GALNT13: variants seen among roughly 807,000 people sequenced by gnomAD.
The protein encoded by GALNT13 is polypeptide N-acetylgalactosaminyltransferase 13.
GALNT13 carries 28 observed loss-of-function variants against 64.2 expected under a neutral mutation model. The observed-to-expected ratio is 0.44, with a 90% CI of 0.32 to 0.60. The LOEUF is 0.60. Among genes scored for constraint, GALNT13 ranks in the 20% least tolerant of loss-of-function variants. The pLI is 0.05. For missense variants in GALNT13, 577 were observed against 669.8 expected (o/e 0.86, Z 1.53); for synonymous variants, 214 against 224.6 (o/e 0.95, Z 0.42).
intron 4 of GALNT13, among the ~76,000 whole-genome samples, chr2:154,234,015 A>G (rs1287251310): frequency 6.6e-6 from 1 of 152,184 alleles, no homozygotes; most frequent in Non-Finnish European, 1.5e-5. Context: ...ATGATTTAAA[A>G]GAGCTGAAAG....
At chr2:153,879,033 C>G (rs1686588464) in intron 1 of GALNT13, among the ~76,000 whole-genome samples, 2 of 152,132 alleles carry the variant, frequency 1.3e-5, no homozygotes, top group Non-Finnish European at 2.9e-5. Flanking sequence ...TGGGATGGAT[C>G]CACAGAATCT....
intron 9 of GALNT13, among the ~76,000 whole-genome samples, chr2:154,372,208 C>T (rs1697734017): frequency 6.6e-6 from 1 of 152,056 alleles, no homozygotes; most frequent in African/African-American, 2.4e-5. Flanking sequence ...AATTCAACCT[C>T]CAGAATCCAC....
chr2:153,909,491 AG>A (rs1450587193), intron 2 of GALNT13, among the ~76,000 whole-genome samples: 3 of 151,938 alleles, frequency 2.0e-5, no homozygotes, highest in Non-Finnish European at 4.4e-5. Flanking sequence ...GAGTGGTGAG[AG>A]GGGGCATCCT....
At chr2:153,973,108 G>A (rs923482544) in intron 3 of GALNT13, among the ~76,000 whole-genome samples, 1 of 151,872 alleles carries the variant, frequency 6.6e-6, no homozygotes, top group African/African-American at 2.4e-5. Context: ...GTCGTTCATA[G>A]CCCCTTTTTT....
chr2:153,267,865 T>G, the GALNT13 span, among the ~76,000 whole-genome samples: 4 of 152,190 alleles, frequency 2.6e-5, no homozygotes, highest in African/African-American at 9.7e-5. Context: ...TGCCTCTTTT[T>G]AAAACAAGAG....
chr2:153,311,038 G>C, the GALNT13 span, among the ~76,000 whole-genome samples: 2 of 151,990 alleles, frequency 1.3e-5, no homozygotes, highest in African/African-American at 4.8e-5. Context: ...AAATTCATCC[G>C]TACACCATTG....
chr2:153,398,248 A>G, the GALNT13 span, among the ~76,000 whole-genome samples: 3 of 152,134 alleles, frequency 2.0e-5, no homozygotes, highest in African/African-American at 7.2e-5. Flanking sequence ...CAAAGGACAT[A>G]AACTCATCAT....
At chr2:153,503,294 A>G in the GALNT13 span, among the ~76,000 whole-genome samples, 1,995 of 152,264 alleles carry the variant, frequency 0.013, 43 homozygotes, top group African/African-American at 0.045. Context: ...ATTCTCCTGC[A>G]GTGGATTGCC....
chr2:153,557,184 G>A, the GALNT13 span, among the ~76,000 whole-genome samples: 1 of 152,102 alleles, frequency 6.6e-6, no homozygotes, highest in Non-Finnish European at 1.5e-5. Context: ...TAGATACACA[G>A]ATACTTAGCA....
At chr2:153,807,911 G>T in the GALNT13 span, among the ~76,000 whole-genome samples, 1 of 151,942 alleles carries the variant, frequency 6.6e-6, no homozygotes, top group Non-Finnish European at 1.5e-5. Context: ...TAAAGCCTTC[G>T]GTTATTTTCT....
intron 9 of GALNT13, among the ~76,000 whole-genome samples, chr2:154,340,598 C>G (rs771900353): frequency 6.6e-6 from 1 of 151,938 alleles, no homozygotes; most frequent in African/African-American, 2.4e-5. Context: ...TCTCTTCTTC[C>G]TTTTCTTCCA....
At chr2:154,098,222 A>T (rs7589080) in intron 3 of GALNT13, among the ~76,000 whole-genome samples, 1 of 151,586 alleles carries the variant, frequency 6.6e-6, no homozygotes, top group East Asian at 1.9e-4. Flanking sequence ...GCTGAGTGAT[A>T]ATTCAGATTT....
intron 3 of GALNT13, among the ~76,000 whole-genome samples, chr2:154,002,191 A>G (rs1339482203): frequency 6.6e-6 from 1 of 152,016 alleles, no homozygotes; most frequent in Non-Finnish European, 1.5e-5. Flanking sequence ...AGCTTTCTAT[A>G]CCTGGATGTT....
the GALNT13 span, among the ~76,000 whole-genome samples, chr2:153,850,750 G>T: frequency 4.7e-4 from 72 of 152,248 alleles, no homozygotes; most frequent in Non-Finnish European, 8.7e-4. Context: ...TAAAAGTTCT[G>T]GGATGAGAAA....
At chr2:154,144,714 T>G in intron 4 of GALNT13, among the ~76,000 whole-genome samples, 1 of 152,074 alleles carries the variant, frequency 6.6e-6, no homozygotes, top group East Asian at 1.9e-4. Flanking sequence ...ATTCGGGGAA[T>G]AAATCTAAGC....
At chr2:154,215,272 T>C (rs960430691) in intron 4 of GALNT13, among the ~76,000 whole-genome samples, 5 of 152,186 alleles carry the variant, frequency 3.3e-5, no homozygotes, top group African/African-American at 9.6e-5. Flanking sequence ...AAATTTTTAA[T>C]ATACCACTTC....
At chr2:153,171,722 T>C in the GALNT13 span, among the ~76,000 whole-genome samples, 2 of 152,212 alleles carry the variant, frequency 1.3e-5, no homozygotes, top group African/African-American at 2.4e-5. Context: ...AACTGTGTTT[T>C]ATGACACAGC....
At chr2:153,776,888 G>T in the GALNT13 span, among the ~76,000 whole-genome samples, 2 of 152,164 alleles carry the variant, frequency 1.3e-5, no homozygotes, top group Admixed American at 1.3e-4. Flanking sequence ...GGCCAACGCT[G>T]CTTTTAGCCT....
intron 9 of GALNT13, among the ~76,000 whole-genome samples, chr2:154,328,462 CTA>C (rs754701675): frequency 4.1e-4 from 63 of 152,048 alleles, no homozygotes; most frequent in Non-Finnish European, 6.3e-4. Flanking sequence ...TTGTCTCAAA[CTA>C]TATGTTATTG....
Sources: allele counts gnomAD v4.1 joint callset (sites outside exome capture counted in the v4.1 genomes callset), GRCh38; gene constraint gnomAD v4.1.1; transcripts MANE v1.5; gene names NCBI Gene and HGNC (gene_info 2026-07-23, HGNC 2026-07-21).